The following PRRC2B variants were observed in gnomAD, a reference collection of about 807,000 sequenced individuals.
PRRC2B encodes protein PRRC2B.
PRRC2B carries 68 observed loss-of-function variants against 242.3 expected under a neutral mutation model. The observed-to-expected ratio is 0.28, with a 90% confidence interval of 0.23 to 0.34. The LOEUF (loss-of-function observed/expected upper bound fraction) is 0.34, where lower values mean the gene tolerates loss of function less well. PRRC2B is among the 10% of genes least tolerant of loss of function. PRRC2B has a pLI of 1.00. For synonymous variants in PRRC2B, 1,228 were observed against 1,173.6 expected, an observed-to-expected ratio of 1.05 and a Z score of -0.95; for missense variants, 2,835 against 2,954.8, an observed-to-expected ratio of 0.96 and a Z score of 0.94.
chr9:131,476,096 C>G lies in PRRC2B; in HGVS notation c.3967C>G (p.Leu1323Val), dbSNP rs749086227. Residue 1323 changes from leucine to valine, a missense_variant, in exon 16 of 32, where the codon CTG becomes GTG. Physicochemically the swap from Leu to Val is conservative, Grantham distance 32. Coordinates refer to ENST00000683519, the MANE Select transcript of PRRC2B (RefSeq NM_013318.4). The part of the protein sequence containing the change: ...FRRLRQERES[L>V]GLWGPEEEPH... ...GCGCCTCCGGCAAGAGCGGGAGTCC[C>G]TGGGCCTGTGGGGACCCGAGGAGGA... The G allele has an allele frequency of 2.5e-6, 4 of 1,609,716 alleles. No homozygotes were observed. The African/African-American group carries it at 5.3e-5, about 22-fold the overall frequency.
chr9:131,467,368 C>T (rs1182426160), intron 12 of PRRC2B, among the ~76,000 whole-genome samples, 195 bp from the exon 13 acceptor site: 4 of 152,336 alleles, frequency 2.6e-5, no homozygotes, highest in Admixed American at 6.5e-5. Context: ...ACAGGTGAAG[C>T]CTCCTCACAT....
intron 30 of PRRC2B, among the ~76,000 whole-genome samples, chr9:131,493,292 T>C (rs1328558268): frequency 2.0e-5 from 3 of 152,262 alleles, no homozygotes; most frequent in African/African-American, 7.2e-5. Context: ...CATTTATTTC[T>C]GTTTTTAGTA....
At chr9:131,495,293 C>G (rs1043841961) in intron 31 of PRRC2B, among the ~76,000 whole-genome samples, 20 of 151,882 alleles carry the variant, frequency 1.3e-4, no homozygotes, top group African/African-American at 3.6e-4. Context: ...GGCCAGAGAT[C>G]TGTGGGGGCC....
intron 1 of PRRC2B, among the ~76,000 whole-genome samples, chr9:131,396,358 C>G: frequency 7.4e-6 from 1 of 134,880 alleles, no homozygotes; most frequent in South Asian, 2.4e-4. Context: ...GACAGTCTCA[C>G]TCTGTCGCCC....
upstream of PRRC2B, among the ~76,000 whole-genome samples, chr9:131,392,843 T>C (rs1347719757): frequency 6.7e-6 from 1 of 150,294 alleles, no homozygotes; most frequent in African/African-American, 2.5e-5. Flanking sequence ...AATCTAGGAG[T>C]TGGAGGTTGC....
chr9:131,391,272 C>T (rs1836897146), upstream of PRRC2B, among the ~76,000 whole-genome samples: 1 of 152,034 alleles, frequency 6.6e-6, no homozygotes, highest in Non-Finnish European at 1.5e-5. Context: ...GAATCCATTC[C>T]TTGTCCTTTG....
rs770098147 is a variant in PRRC2B, at chr9:131,476,226, C to A, written c.4097C>A (p.Ser1366Tyr). 5 of 1,613,304 alleles carry A rather than the reference C, an allele frequency of 3.1e-6. No homozygotes were observed. The Admixed American group carries it at 8.3e-5, about 27-fold the overall frequency. The stretch of plus-strand genomic sequence containing the variant: ...TCCCCTGAGCTCTCCTACCAGAACT[C>A]CTCCGATCACGCCAATGAGGAGTGG... ...RRSPELSYQN[S>Y]SDHANEEWET... Residue 1366 changes from serine to tyrosine, a missense_variant, in exon 16 of 32, where the codon TCC (serine) becomes TAC (tyrosine). Ser to Tyr is a moderately radical substitution (Grantham distance 144, BLOSUM62 -2). Coordinates refer to ENST00000683519, the MANE Select transcript of PRRC2B (RefSeq NM_013318.4).
At chr9:131,441,471 G>T (rs1172818178) in intron 5 of PRRC2B, among the ~76,000 whole-genome samples, 1 of 152,204 alleles carries the variant, frequency 6.6e-6, no homozygotes, top group Admixed American at 6.5e-5. Flanking sequence ...TGAGAGGATT[G>T]GTTGAGCCCA....
intron 10 of PRRC2B, among the ~76,000 whole-genome samples, chr9:131,457,599 C>T (rs1290156729): frequency 1.3e-5 from 2 of 152,202 alleles, no homozygotes; most frequent in Admixed American, 6.5e-5. Flanking sequence ...GCTCCCAAAA[C>T]TTGCCCTGAC....
intron 25 of PRRC2B, 66 bp downstream of exon 25, chr9:131,485,206 C>G (rs1211929636): frequency 1.5e-6 from 2 of 1,330,732 alleles, no homozygotes; most frequent in East Asian, 5.1e-5. Flanking sequence ...AACGGATTAA[C>G]AGCCCCGAAT....
chr9:131,448,543 C>CAAAAAAAAAAAAAAAA (rs754661321), intron 9 of PRRC2B, among the ~76,000 whole-genome samples: 753 of 39,796 alleles, frequency 0.019, 194 homozygotes, highest in East Asian at 0.046. Context: ...GACACTGTCT[C>CAAAAAAAAAAAAAAAA]AAAAAAAAAA....
intron 1 of PRRC2B, among the ~76,000 whole-genome samples, chr9:131,421,323 T>C (rs1253856267): frequency 6.6e-6 from 1 of 152,206 alleles, no homozygotes; most frequent in Non-Finnish European, 1.5e-5. Flanking sequence ...CGTTAAAGGT[T>C]TTTTTGCCAG....
chr9:131,486,257 A>G (rs913436348), intron 26 of PRRC2B, 75 bp downstream of exon 26: 83 of 1,037,756 alleles, frequency 8.0e-5, no homozygotes, highest in African/African-American at 2.2e-4. Flanking sequence ...TGGCTTGCTC[A>G]TCTATTTCTC....
rs949373948 is a variant in PRRC2B at position 131,439,713 on chromosome 9, A to C, written c.469+652A>C. Among the ~76,000 whole-genome samples the C allele has an allele frequency of 8.5e-5, 13 of 152,096 alleles. 1 individual carries two copies. Among genetic ancestry groups the C allele is most frequent in the African/African-American group, 2.2e-4 (9 of 41,424 alleles). The stretch of plus-strand genomic sequence containing the variant: ...AGTCTCCAACGGGAAATGACCGATC[A>C]ATGTGCCAATTGGATTTCAGTGCCC... On this transcript the variant is annotated intron_variant, in intron 5 of 31. Coordinates refer to ENST00000683519, the MANE Select transcript of PRRC2B (RefSeq NM_013318.4).
At chr9:131,378,351 A>C (rs950972881) in intron 1 of PRRC2B, among the ~76,000 whole-genome samples, 2 of 149,700 alleles carry the variant, frequency 1.3e-5, no homozygotes, top group Non-Finnish European at 3.0e-5. Context: ...GCCTGTGCTC[A>C]CAAAGGCAGG....
intron 1 of PRRC2B, among the ~76,000 whole-genome samples, chr9:131,409,104 C>T (rs980390326): frequency 4.0e-5 from 6 of 151,600 alleles, no homozygotes; most frequent in Non-Finnish European, 7.4e-5. Flanking sequence ...CTCACTGCAA[C>T]CTCCACCTCC....
chr9:131,387,157 A>G (rs1238870120), intron 1 of PRRC2B, among the ~76,000 whole-genome samples: 1 of 149,664 alleles, frequency 6.7e-6, no homozygotes, highest in Non-Finnish European at 1.5e-5. Context: ...ATGCACCACC[A>G]CGCCTGGTTA....
Position 131,474,854 on chromosome 9 carries a change from A to G in PRRC2B, c.2725A>G (p.Asn909Asp). ...ISSWDKNGSP[N>D]KQPSSEPEWT... Reference sequence around the variant, plus strand: ...CTCCTGGGACAAGAACGGGAGCCCCAACAAACAGCCATCCTCGGAGCCTGA... The same window carrying G: ...CTCCTGGGACAAGAACGGGAGCCCCGACAAACAGCCATCCTCGGAGCCTGA... Residue 909 changes from asparagine to aspartate, a missense_variant, in exon 16 of 32, where the codon AAC (asparagine) becomes GAC (aspartate). Asn to Asp is a conservative substitution (Grantham distance 23). Transcript: ENST00000683519. The G allele has an allele frequency of 2.5e-6, 4 of 1,609,374 alleles. No individual in the cohort carries two copies. The highest frequency in any genetic ancestry group is 3.4e-6 in the Non-Finnish European group (4 of 1,178,454).
intron 1 of PRRC2B, among the ~76,000 whole-genome samples, chr9:131,382,865 G>A (rs575814819): frequency 2.6e-5 from 4 of 152,064 alleles, no homozygotes; most frequent in South Asian, 2.1e-4. Context: ...GGCTGTTCTC[G>A]AACTCCTGAC....
Sources: allele counts gnomAD v4.1 joint callset (sites outside exome capture counted in the v4.1 genomes callset), GRCh38; gene constraint gnomAD v4.1.1; transcripts MANE v1.5; gene names NCBI Gene and HGNC (gene_info 2026-07-23, HGNC 2026-07-21).